The following LRP6 variants were observed in gnomAD, a reference collection of about 807,000 sequenced individuals.
LRP6 encodes the protein low-density lipoprotein receptor-related protein 6.
Under a neutral mutation model 184.1 loss-of-function variants are expected in LRP6, and 43 were observed. The ratio of observed to expected loss-of-function variants is 0.23; its 90% CI spans 0.18 to 0.30. The LOEUF (loss-of-function observed/expected upper bound fraction) is 0.30, where lower values mean the gene tolerates loss of function less well. Among genes scored for constraint, LRP6 ranks in the 10% least tolerant of loss-of-function variants. LRP6 has a pLI of 1.00. For synonymous variants in LRP6, 719 were observed against 684.9 expected, an observed-to-expected ratio of 1.05 and a Z score of -0.78; for missense variants, 1,571 against 2,005.3, an observed-to-expected ratio of 0.78 and a Z score of 4.14.
At chr12:12,246,176 T>C (rs1342397863) in intron 1 of LRP6, among the ~76,000 whole-genome samples, 1 of 151,770 alleles carries the variant, frequency 6.6e-6, no homozygotes, top group Non-Finnish European at 1.5e-5. Context: ...GGCTAATTTT[T>C]TGTATTTTTA....
intron 10 of LRP6, among the ~76,000 whole-genome samples, chr12:12,161,865 T>C (rs890909017): frequency 6.6e-6 from 1 of 152,172 alleles, no homozygotes; most frequent in South Asian, 2.1e-4. Flanking sequence ...TGGAATCTAG[T>C]ATAACTGGGA....
In LRP6 at chr12:12,194,655, AAT is replaced by A. The variant is rs200109889; in HGVS notation, c.648-7538_648-7537del. ...TTTGTGGGGTACACAGCAATGTTGCAATATATATAAGGTACCGTGATCAGCTC... is the reference window on the plus strand; with the variant it reads ...TTTGTGGGGTACACAGCAATGTTGCAATATATAAGGTACCGTGATCAGCTC... On this transcript the variant is annotated intron_variant, in intron 3 of 22. Coordinates refer to ENST00000261349, the MANE Select transcript of LRP6 (RefSeq NM_002336.3). 1.3e-3 allele frequency among the ~76,000 whole-genome samples: 198 copies of A among 152,216 alleles called. 6 individuals are homozygous for A. In the East Asian group the frequency reaches 0.036, roughly 28 times the overall value.
intron 2 of LRP6, among the ~76,000 whole-genome samples, chr12:12,238,840 T>C (rs1404014068): frequency 6.6e-6 from 1 of 152,132 alleles, no homozygotes; most frequent in Non-Finnish European, 1.5e-5. Flanking sequence ...ATTGCTACAC[T>C]GAGTAAACCT....
rs1407899216 is a variant in LRP6, at chr12:12,150,974, T to C, written c.2856A>G (p.Gln952=). 3 of 1,614,164 alleles carry C rather than the reference T, an allele frequency of 1.9e-6. No individual in the cohort carries two copies. The highest frequency in any genetic ancestry group is 3.3e-5 in the Admixed American group (2 of 60,016). ...TGGGAAGGATGATGTCGGGGCTCTG[T>C]TGTTCATCAATCACCATGCGGTTGA... ...SAINRMVIDE[Q]QSPDIILPIH... Residue 952 remains glutamine, a synonymous_variant, in exon 13 of 23, where the codon CAA becomes CAG. Coordinates refer to ENST00000261349, the MANE Select transcript of LRP6 (RefSeq NM_002336.3).
chr12:12,191,228 A>G lies in LRP6; in HGVS notation c.648-4109T>C, dbSNP rs191490034. ...TACTTTAACCTATTGTGAACTCTCA[A>G]AATTGTCCTTCCCGGGCTCCCTTCC... On this transcript the variant is annotated intron_variant, in intron 3 of 22. Coordinates refer to ENST00000261349, the MANE Select transcript of LRP6 (RefSeq NM_002336.3). 3.0e-4 allele frequency among the ~76,000 whole-genome samples: 45 copies of G among 152,330 alleles called. No homozygotes were observed. The East Asian group carries it at 3.7e-3, about 12-fold the overall frequency.
intron 12 of LRP6, among the ~76,000 whole-genome samples, chr12:12,155,970 A>G (rs1950146902): frequency 6.6e-6 from 1 of 152,194 alleles, no homozygotes; most frequent in Non-Finnish European, 1.5e-5. Context: ...GGCACATAAG[A>G]TATGTCAATG....
At chr12:12,219,190 T>C (rs1260500071) in intron 2 of LRP6, among the ~76,000 whole-genome samples, 1 of 152,110 alleles carries the variant, frequency 6.6e-6, no homozygotes, top group Non-Finnish European at 1.5e-5. Flanking sequence ...CTCTTAACTG[T>C]CTACCCCTTT....
At position 12,181,233 on chromosome 12, in the gene LRP6, G is replaced by C. The variant is rs1331952027; in HGVS notation, c.1183C>G (p.Gln395Glu). Reference sequence around the variant, plus strand: ...GCAATTTGAGCAGTGACCACAAACTGACTGCCAGATCCATCTATAAATGAA... The same window carrying C: ...GCAATTTGAGCAGTGACCACAAACTCACTGCCAGATCCATCTATAAATGAA... ...RRSFIDGSGSQFVVTAQIAHP... is the reference protein window; with the variant it reads ...RRSFIDGSGSEFVVTAQIAHP... Residue 395 changes from glutamine to glutamate, a missense_variant, in exon 6 of 23, where the codon CAG (glutamine) becomes GAG (glutamate). Physicochemically the swap from Gln to Glu is conservative, Grantham distance 29. Coordinates refer to ENST00000261349, the MANE Select transcript of LRP6 (RefSeq NM_002336.3). 1 of 1,614,128 alleles carries C rather than the reference G, an allele frequency of 6.2e-7. No homozygotes were observed. The highest frequency in any genetic ancestry group is 1.7e-5 in the Admixed American group (1 of 60,006).
chr12:12,254,406 C>T (rs1448580447), intron 1 of LRP6, among the ~76,000 whole-genome samples: 5 of 152,102 alleles, frequency 3.3e-5, no homozygotes, highest in Non-Finnish European at 5.9e-5. Flanking sequence ...ATTGCTGATG[C>T]CTTAGCGTCC....
intron 5 of LRP6, 94 bp downstream of exon 5, chr12:12,183,886 A>T: frequency 3.5e-6 from 4 of 1,133,764 alleles, no homozygotes; most frequent in Non-Finnish European, 5.3e-6. Flanking sequence ...GGTCTCCCAA[A>T]GCAGTATAAC....
chr12:12,262,472 C>T (rs939239565), intron 1 of LRP6, among the ~76,000 whole-genome samples: 4 of 151,564 alleles, frequency 2.6e-5, no homozygotes, highest in Non-Finnish European at 4.4e-5. Context: ...ACAGGAGAAT[C>T]GCTTGAACCA....
At chr12:12,176,171 G>C (rs1321828145) in intron 7 of LRP6, among the ~76,000 whole-genome samples, 1 of 152,160 alleles carries the variant, frequency 6.6e-6, no homozygotes, top group East Asian at 1.9e-4. Flanking sequence ...TACTTATTAT[G>C]GGAAGGCCCC....
intron 22 of LRP6, among the ~76,000 whole-genome samples, chr12:12,123,957 T>C (rs1949637201): frequency 2.0e-5 from 3 of 152,196 alleles, no homozygotes; most frequent in South Asian, 2.1e-4. Flanking sequence ...ATTTCATTCT[T>C]AGAATATCAA....
chr12:12,257,530 G>C (rs1175436718), intron 1 of LRP6, among the ~76,000 whole-genome samples: 1 of 143,378 alleles, frequency 7.0e-6, no homozygotes, highest in Non-Finnish European at 1.5e-5. Flanking sequence ...GCAGTGAGCC[G>C]AGATCACGCC....
chr12:12,221,452 A>T (rs1260992589), intron 2 of LRP6, among the ~76,000 whole-genome samples: 1 of 152,226 alleles, frequency 6.6e-6, no homozygotes, highest in African/African-American at 2.4e-5. Flanking sequence ...ACACACACAC[A>T]AAATAACAGC....
chr12:12,139,505 C>A (rs574251940), intron 15 of LRP6, among the ~76,000 whole-genome samples: 1 of 152,278 alleles, frequency 6.6e-6, no homozygotes, highest in African/African-American at 2.4e-5. Flanking sequence ...AGGAGGATCA[C>A]GTGAGCCTAG....
intron 2 of LRP6, among the ~76,000 whole-genome samples, chr12:12,222,732 T>C (rs2135874063): frequency 6.6e-6 from 1 of 152,218 alleles, no homozygotes. Context: ...CATGAACCAA[T>C]CAAGCTCCAT....
rs370513939 is a variant in LRP6 at position 12,130,906 on chromosome 12, C to T, written c.3971-13G>A. On this transcript the variant is annotated splice_polypyrimidine_tract_variant and intron_variant, in intron 18 of 22. Transcript: ENST00000261349. ...ATTAAACAAAGCACTGGAAAAAAAACATAAATAGTTTCCTTATTTTTAATA... is the reference window on the plus strand; with the variant it reads ...ATTAAACAAAGCACTGGAAAAAAAATATAAATAGTTTCCTTATTTTTAATA... 7.1e-7 allele frequency: 1 copy of T among 1,407,526 alleles called. No homozygotes were observed. Among genetic ancestry groups the T allele is most frequent in the Non-Finnish European group, 1.0e-6 (1 of 991,786 alleles). 87.2% of individuals were successfully genotyped at this position (1,407,526 alleles called of 1,614,324 possible).
At chr12:12,182,960 A>C (rs1483302336) in intron 5 of LRP6, among the ~76,000 whole-genome samples, 2 of 152,244 alleles carry the variant, frequency 1.3e-5, no homozygotes, top group African/African-American at 4.8e-5. Flanking sequence ...CCTCTGTTTT[A>C]AAGTCAGGCT....
Sources: allele counts gnomAD v4.1 joint callset (sites outside exome capture counted in the v4.1 genomes callset), GRCh38; gene constraint gnomAD v4.1.1; transcripts MANE v1.5; gene names NCBI Gene and HGNC (gene_info 2026-07-23, HGNC 2026-07-21).